Variants in HBS1L observed in about 807,000 individuals in gnomAD.
HBS1L encodes HBS1 like translational GTPase.
A neutral mutation model predicts 88.9 loss-of-function variants in HBS1L; 55 were observed. The ratio of observed to expected loss-of-function variants is 0.62; its 90% CI spans 0.50 to 0.77. The LOEUF (loss-of-function observed/expected upper bound fraction) is 0.77. Among genes scored for constraint, HBS1L ranks in the 30% least tolerant of loss-of-function variants. HBS1L has a pLI of 0.00. For missense variants in HBS1L, 741 were observed against 829.3 expected, an observed-to-expected ratio of 0.89 and a Z score of 1.31; for synonymous variants, 267 against 288.5, an observed-to-expected ratio of 0.93 and a Z score of 0.76.
At chr6:135,033,816 A>G (rs566294017) in intron 4 of HBS1L, among the ~76,000 whole-genome samples, 1 of 152,316 alleles carries the variant, frequency 6.6e-6, no homozygotes, top group Non-Finnish European at 1.5e-5. Flanking sequence ...TTCATGTGCA[A>G]TGTGGACCAC....
intron 4 of HBS1L, among the ~76,000 whole-genome samples, chr6:135,011,482 T>G (rs115802793): frequency 6.6e-6 from 1 of 152,194 alleles, no homozygotes; most frequent in African/African-American, 2.4e-5. Flanking sequence ...ATTGTGCCAA[T>G]GAACTCTAGC....
At chr6:135,039,875 C>T (rs1446466740) in intron 3 of HBS1L, 108 bp from the exon 4 acceptor site, 1 of 906,440 alleles carries the variant, frequency 1.1e-6, no homozygotes, top group Non-Finnish European at 1.6e-6. Context: ...ATATTCAACT[C>T]TCCCTTCTCT....
chr6:134,989,281 C>G (rs1361511415), intron 8 of HBS1L, among the ~76,000 whole-genome samples: 1 of 152,144 alleles, frequency 6.6e-6, no homozygotes, highest in African/African-American at 2.4e-5. Context: ...TCTTTTACAG[C>G]TTTTGCTTTG....
chr6:134,984,652 A>C (rs998626457), intron 12 of HBS1L, among the ~76,000 whole-genome samples: 3 of 151,978 alleles, frequency 2.0e-5, no homozygotes, highest in African/African-American at 7.2e-5. Context: ...TTATTTATTG[A>C]GTTTTTAAAT....
chr6:135,018,706 A>G (rs1775990564), intron 4 of HBS1L, among the ~76,000 whole-genome samples: 1 of 151,998 alleles, frequency 6.6e-6, no homozygotes, highest in African/African-American at 2.4e-5. Flanking sequence ...GACTAGAAAT[A>G]GGACAGCCTA....
At position 134,965,287 on chromosome 6, in the gene HBS1L, T is replaced by A; in HGVS notation, c.2047A>T (p.Lys683Ter). The A allele has an allele frequency of 1.9e-6, 3 of 1,565,774 alleles. No homozygotes were observed. Among genetic ancestry groups the A allele is most frequent in the Non-Finnish European group, 2.6e-6 (3 of 1,144,718 alleles). ...TIAAGVVTEI[K>*]E The stretch of plus-strand genomic sequence containing the variant: ...GTAGAAATTCTGACCCATCATTCTT[T>A]TATCTGTTAAAACAAAAAAAAAAAA... The change falls in exon 18 of 18, where the codon AAA (lysine) becomes TAA (stop). Residue 683 changes from lysine to a stop codon, truncating the protein, a stop_gained. Transcript: ENST00000367837. LOFTEE classifies it high-confidence loss of function.
intron 2 of HBS1L, 44 bp from the exon 3 acceptor site, chr6:135,042,170 C>A: frequency 6.6e-7 from 1 of 1,510,016 alleles, no homozygotes. Flanking sequence ...ATAGCCATTT[C>A]CTATTAACTT....
At chr6:135,017,662 T>C (rs570041238) in intron 4 of HBS1L, among the ~76,000 whole-genome samples, 4 of 152,098 alleles carry the variant, frequency 2.6e-5, no homozygotes, top group African/African-American at 7.2e-5. Context: ...GAAATGTATG[T>C]ATAATATAAC....
At chr6:134,998,671 C>T (rs1417401422) in intron 5 of HBS1L, among the ~76,000 whole-genome samples, 3 of 152,138 alleles carry the variant, frequency 2.0e-5, no homozygotes, top group Admixed American at 2.0e-4. Flanking sequence ...TTCTTCTTGC[C>T]TATTATAACA....
intron 4 of HBS1L, among the ~76,000 whole-genome samples, chr6:135,027,968 T>A: frequency 6.6e-6 from 1 of 152,140 alleles, no homozygotes; most frequent in South Asian, 2.1e-4. Flanking sequence ...GGTTTCACTA[T>A]GTTGCCCAGG....
At chr6:135,025,746 G>A (rs1776208353) in intron 4 of HBS1L, among the ~76,000 whole-genome samples, 1 of 152,096 alleles carries the variant, frequency 6.6e-6, no homozygotes, top group African/African-American at 2.4e-5. Context: ...ATATATAACA[G>A]TTGAATGTAA....
intron 8 of HBS1L, among the ~76,000 whole-genome samples, chr6:134,992,422 C>T (rs1562284287): frequency 6.6e-6 from 1 of 152,194 alleles, no homozygotes; most frequent in East Asian, 1.9e-4. Context: ...CTGGTATAAA[C>T]AAATCTACTG....
chr6:134,989,997 A>G (rs944054760), intron 8 of HBS1L, among the ~76,000 whole-genome samples: 7 of 152,234 alleles, frequency 4.6e-5, no homozygotes, highest in African/African-American at 1.7e-4. Context: ...TAGTTTATAT[A>G]AAACATCCAG....
intron 2 of HBS1L, among the ~76,000 whole-genome samples, chr6:135,045,838 C>CA (rs34794900): frequency 0.47 from 67,323 of 142,838 alleles, 15,514 homozygotes; most frequent in South Asian, 0.58. Flanking sequence ...GACTCCGTCT[C>CA]AAAAAAAAAA....
chr6:135,045,229 GGAGT>G (rs1371731560), intron 2 of HBS1L, among the ~76,000 whole-genome samples: 1 of 152,060 alleles, frequency 6.6e-6, no homozygotes, highest in Non-Finnish European at 1.5e-5. Context: ...AACAAATAAA[GGAGT>G]GAGAGAAAGT....
At chr6:134,997,044 C>T (rs967777284) in intron 6 of HBS1L, 102 bp from the exon 7 acceptor site, 3 of 809,012 alleles carry the variant, frequency 3.7e-6, no homozygotes, top group Admixed American at 2.5e-5. Context: ...CAGTGGTTTA[C>T]AGTAATACCA....
intron 15 of HBS1L, among the ~76,000 whole-genome samples, chr6:134,975,907 G>C (rs1037409993): frequency 6.6e-6 from 1 of 151,990 alleles, no homozygotes; most frequent in Non-Finnish European, 1.5e-5. Flanking sequence ...AAAATAAATA[G>C]ATAAGACCTA....
Position 135,054,747 on chromosome 6 carries a change from T to G in HBS1L, c.-56A>C. 6.2e-7 allele frequency: 1 copy of G among 1,602,704 alleles called. No individual in the cohort carries two copies. The highest frequency in any genetic ancestry group is 8.5e-7 in the Non-Finnish European group (1 of 1,171,342). ...TTAACTCCTTCCAAAACACTCCGCT[T>G]AGATACTGATAAGGCGCCAACTGCA... On this transcript the variant is annotated 5_prime_UTR_variant, in exon 1 of 18. The change abolishes the stop of an existing upstream ORF in the 5' untranslated region. Coordinates refer to ENST00000367837, the MANE Select transcript of HBS1L (RefSeq NM_006620.4).
chr6:135,038,174 T>C, intron 4 of HBS1L: 1 of 623,956 alleles, frequency 1.6e-6, no homozygotes, highest in Non-Finnish European at 2.7e-6. Context: ...TACTTGATCA[T>C]TACTTAACAT....
Sources: allele counts gnomAD v4.1 joint callset (sites outside exome capture counted in the v4.1 genomes callset), GRCh38; gene constraint gnomAD v4.1.1; transcripts MANE v1.5; gene names NCBI Gene and HGNC (gene_info 2026-07-23, HGNC 2026-07-21).